The following NRXN3 variants were observed in gnomAD, a reference collection of about 807,000 sequenced individuals.
NRXN3 encodes the protein neurexin III.
In NRXN3, 32 loss-of-function variants were observed where a neutral mutation model predicts 137.6. That is an observed-to-expected ratio of 0.23 (90% CI 0.18 to 0.31). NRXN3 has a LOEUF of 0.31. NRXN3 is among the 10% of genes least tolerant of loss of function. The probability of loss-of-function intolerance (pLI) is 1.00; values close to 1 mark genes in which losing one functional copy is unlikely to be tolerated. For missense variants in NRXN3, 1,574 were observed against 2,062.5 expected, an observed-to-expected ratio of 0.76 and a Z score of 4.59; for synonymous variants, 798 against 784.5, an observed-to-expected ratio of 1.02 and a Z score of -0.29.
intron 20 of NRXN3, among the ~76,000 whole-genome samples, chr14:79,811,689 G>T (rs1223762388): frequency 1.4e-5 from 2 of 141,832 alleles, no homozygotes; most frequent in African/African-American, 5.3e-5. Context: ...TCACGCCATT[G>T]TCCTGCCTCA....
intron 15 of NRXN3, among the ~76,000 whole-genome samples, chr14:79,319,460 C>G (rs575996567): frequency 6.6e-6 from 1 of 152,224 alleles, no homozygotes; most frequent in South Asian, 2.1e-4. Context: ...TCTTGGAGAG[C>G]TTTTAGAAAG....
At chr14:78,332,573 C>T (rs2080963307) in intron 4 of NRXN3, among the ~76,000 whole-genome samples, 2 of 152,146 alleles carry the variant, frequency 1.3e-5, no homozygotes. Context: ...CTTGGCCTCC[C>T]AAAGTGTTGG....
At chr14:78,293,834 A>G (rs2076041177) in intron 3 of NRXN3, among the ~76,000 whole-genome samples, 1 of 152,044 alleles carries the variant, frequency 6.6e-6, no homozygotes, top group Non-Finnish European at 1.5e-5. Flanking sequence ...TATATGAACT[A>G]TGCATATGTA....
At chr14:79,414,978 A>G (rs994758221) in intron 15 of NRXN3, among the ~76,000 whole-genome samples, 1 of 152,108 alleles carries the variant, frequency 6.6e-6, no homozygotes, top group East Asian at 1.9e-4. Flanking sequence ...CTGTTTCTAG[A>G]TTATTTTACT....
chr14:79,584,644 T>A (rs1032232762), intron 16 of NRXN3, among the ~76,000 whole-genome samples: 1 of 152,198 alleles, frequency 6.6e-6, no homozygotes, highest in Non-Finnish European at 1.5e-5. Flanking sequence ...AATAGATTAT[T>A]TCTCCCACAA....
intron 15 of NRXN3, among the ~76,000 whole-genome samples, chr14:79,381,332 T>C (rs1448892825): frequency 2.6e-5 from 4 of 152,088 alleles, no homozygotes; most frequent in Non-Finnish European, 5.9e-5. Context: ...GAAATGCCTG[T>C]GGGACATAAT....
intron 4 of NRXN3, among the ~76,000 whole-genome samples, chr14:78,461,780 A>G (rs2094928611): frequency 6.6e-6 from 1 of 152,220 alleles, no homozygotes; most frequent in Non-Finnish European, 1.5e-5. Flanking sequence ...AGCTTCGAGA[A>G]TGGCTGAGGT....
At chr14:78,557,161 C>G (rs913173816) in intron 4 of NRXN3, among the ~76,000 whole-genome samples, 2 of 150,780 alleles carry the variant, frequency 1.3e-5, no homozygotes, top group South Asian at 2.1e-4. Flanking sequence ...CTTCCCACCT[C>G]AGCTTCCTGA....
intron 4 of NRXN3, among the ~76,000 whole-genome samples, chr14:78,633,333 A>G (rs1006295770): frequency 1.1e-4 from 17 of 150,828 alleles, no homozygotes; most frequent in African/African-American, 3.9e-4. Flanking sequence ...TTCTAGTTTT[A>G]TGCACCATAT....
chr14:78,941,013 T>G (rs1329399857), intron 10 of NRXN3, among the ~76,000 whole-genome samples: 7 of 152,314 alleles, frequency 4.6e-5, no homozygotes, highest in East Asian at 3.9e-4. Flanking sequence ...TTCTCCCTGT[T>G]TCTGTGTTAG....
At chr14:78,519,611 A>G (rs1341547754) in intron 4 of NRXN3, among the ~76,000 whole-genome samples, 1 of 152,196 alleles carries the variant, frequency 6.6e-6, no homozygotes. Flanking sequence ...CTATTTGTAG[A>G]GGTGAATAAT....
chr14:79,805,571 C>T (rs570077633), intron 20 of NRXN3, among the ~76,000 whole-genome samples: 260 of 152,102 alleles, frequency 1.7e-3, no homozygotes, highest in Non-Finnish European at 2.6e-3. Flanking sequence ...GGAATGACAT[C>T]AAGAAAGGAT....
At chr14:79,338,139 CTT>C (rs1443740801) in intron 15 of NRXN3, among the ~76,000 whole-genome samples, 1 of 151,602 alleles carries the variant, frequency 6.6e-6, no homozygotes, top group Non-Finnish European at 1.5e-5. Context: ...AGTTGGGAGA[CTT>C]TGAGGAATCA....
chr14:78,279,303 A>G (rs1353750415), intron 3 of NRXN3, among the ~76,000 whole-genome samples: 1 of 152,200 alleles, frequency 6.6e-6, no homozygotes, highest in Non-Finnish European at 1.5e-5. Flanking sequence ...CTTCATCCAG[A>G]GTCCTGGTTT....
chr14:78,966,444 T>A, intron 12 of NRXN3, 38 bp downstream of exon 12: 2 of 1,577,110 alleles, frequency 1.3e-6, no homozygotes, highest in Non-Finnish European at 8.6e-7. Context: ...TGGACACCTT[T>A]AATCTACTGA....
intron 15 of NRXN3, among the ~76,000 whole-genome samples, chr14:79,040,782 C>A (rs1019912982): frequency 4.6e-5 from 7 of 152,144 alleles, no homozygotes; most frequent in Non-Finnish European, 8.8e-5. Context: ...GGTAGCTCCA[C>A]CTTGTCCTCC....
chr14:79,048,255 A>G (rs1381492732), intron 15 of NRXN3, among the ~76,000 whole-genome samples: 4 of 152,222 alleles, frequency 2.6e-5, no homozygotes, highest in Non-Finnish European at 5.9e-5. Context: ...CTAATTGCCT[A>G]TGAGTATTGG....
intron 16 of NRXN3, among the ~76,000 whole-genome samples, chr14:79,653,989 G>GACTC (rs919467141): frequency 1.1e-4 from 17 of 152,210 alleles, no homozygotes; most frequent in African/African-American, 4.1e-4. Flanking sequence ...GGGGCAATAT[G>GACTC]ACTCAATAAG....
intron 20 of NRXN3, among the ~76,000 whole-genome samples, chr14:79,859,450 T>C (rs769759759): frequency 6.6e-6 from 1 of 152,192 alleles, no homozygotes; most frequent in Non-Finnish European, 1.5e-5. Context: ...GGTTTCAGGA[T>C]GCAAGGTGTG....
Sources: allele counts gnomAD v4.1 joint callset (sites outside exome capture counted in the v4.1 genomes callset), GRCh38; gene constraint gnomAD v4.1.1; transcripts MANE v1.5; gene names NCBI Gene and HGNC (gene_info 2026-07-23, HGNC 2026-07-21).